CDC42BPA: variants seen among roughly 807,000 people sequenced by gnomAD.
CDC42BPA encodes the protein CDC42 binding protein kinase alpha, also known as serine/threonine-protein kinase MRCK alpha.
CDC42BPA carries 80 observed loss-of-function variants against 223.5 expected under a neutral mutation model. The ratio of observed to expected loss-of-function variants is 0.36; its 90% confidence interval spans 0.30 to 0.43. CDC42BPA has a LOEUF of 0.43. Among genes scored for constraint, CDC42BPA ranks in the 20% least tolerant of loss-of-function variants. CDC42BPA has a pLI of 1.00. For synonymous variants in CDC42BPA, 694 were observed against 718.6 expected, an observed-to-expected ratio of 0.97 and a Z score of 0.55; for missense variants, 1,743 against 2,099.9, an observed-to-expected ratio of 0.83 and a Z score of 3.32.
chr1:227,179,935 C>T lies in CDC42BPA; in HGVS notation c.599+13851G>A, dbSNP rs942236736. Among the ~76,000 whole-genome samples, 16 of 151,766 alleles carry T rather than the reference C, an allele frequency of 1.1e-4. 1 individual carries two copies. The highest frequency in any genetic ancestry group is 3.4e-3 in the Middle Eastern group (1 of 294). On this transcript the variant is annotated intron_variant, in intron 5 of 36. Coordinates refer to ENST00000366766, the MANE Select transcript of CDC42BPA (RefSeq NM_001394014.1). The stretch of plus-strand genomic sequence containing the variant: ...TTTAAAACTGCCTTTGGACAGGATG[C>T]GGAGGTTCACGCCTGTAATCCCAGT...
At chr1:227,001,537 A>T (rs561562434) in intron 35 of CDC42BPA, among the ~76,000 whole-genome samples, 1 of 152,332 alleles carries the variant, frequency 6.6e-6, no homozygotes, top group South Asian at 2.1e-4. Flanking sequence ...TTTATCTGCA[A>T]TTCCACAAAT....
intron 1 of CDC42BPA, among the ~76,000 whole-genome samples, chr1:227,258,638 G>A (rs1027182288): frequency 4.0e-5 from 6 of 150,708 alleles, no homozygotes; most frequent in Non-Finnish European, 8.8e-5. Flanking sequence ...GAAATTCAAT[G>A]ATAGAACCAA....
chr1:227,035,892 ATGAT>A (rs1258882839), intron 24 of CDC42BPA, among the ~76,000 whole-genome samples: 1 of 152,192 alleles, frequency 6.6e-6, no homozygotes, highest in African/African-American at 2.4e-5. Context: ...TGTGAATAAA[ATGAT>A]TGATTTAGAT....
intron 2 of CDC42BPA, among the ~76,000 whole-genome samples, chr1:227,247,267 C>G: frequency 6.8e-6 from 1 of 147,966 alleles, no homozygotes; most frequent in South Asian, 2.2e-4. Flanking sequence ...GGAGGCCAAG[C>G]AGGCAGATCA....
intron 25 of CDC42BPA, 29 bp from the exon 26 acceptor site, chr1:227,034,823 C>A: frequency 5.1e-6 from 2 of 395,094 alleles, no homozygotes; most frequent in Admixed American, 4.1e-5. Flanking sequence ...AGACAAACAG[C>A]CAAAACAACT....
intron 16 of CDC42BPA, among the ~76,000 whole-genome samples, chr1:227,090,711 T>C (rs1395781603): frequency 6.6e-6 from 1 of 152,162 alleles, no homozygotes; most frequent in Non-Finnish European, 1.5e-5. Flanking sequence ...CTCAGGAGGC[T>C]GAGGCAGGAG....
At chr1:227,293,308 T>C (rs1360456675) in intron 1 of CDC42BPA, among the ~76,000 whole-genome samples, 1 of 152,176 alleles carries the variant, frequency 6.6e-6, no homozygotes, top group African/African-American at 2.4e-5. Flanking sequence ...CTATGGCATA[T>C]TCTTAATCAC....
At chr1:227,071,326 A>G (rs11808884) in intron 20 of CDC42BPA, among the ~76,000 whole-genome samples, 42,996 of 151,742 alleles carry the variant, frequency 0.28, 6,304 homozygotes, top group African/African-American at 0.35. Flanking sequence ...TAACGAGTTC[A>G]GTATTCAGTG....
chr1:227,161,005 A>C (rs1020083091), intron 5 of CDC42BPA, among the ~76,000 whole-genome samples: 2 of 152,244 alleles, frequency 1.3e-5, no homozygotes, highest in Non-Finnish European at 2.9e-5. Context: ...CTAGCCCATG[A>C]AACTGGACAG....
chr1:227,251,978 G>A (rs926470344), intron 2 of CDC42BPA, among the ~76,000 whole-genome samples: 3 of 151,792 alleles, frequency 2.0e-5, no homozygotes, highest in Admixed American at 6.6e-5. Flanking sequence ...AAATCACACT[G>A]TATTTTAAGC....
Position 227,112,767 on chromosome 1 carries a change from G to C in CDC42BPA, c.1794C>G (p.Arg598=). The change falls in exon 13 of 37, where the codon CGC becomes CGG. Residue 598 remains arginine (R), a synonymous_variant. Transcript: ENST00000366766. ...ELHTQKQKLA[R]HVRDKEEEVD... is the part of the protein sequence containing the mutation. ...CCTCTTCTTCCTTATCTCGGACATG[G>C]CGAGCAAGTTTCTGTTTTTGGGTGT... 1 of 1,613,950 alleles carries C rather than the reference G, an allele frequency of 6.2e-7. No homozygotes were observed. The highest frequency in any genetic ancestry group is 8.5e-7 in the Non-Finnish European group (1 of 1,179,982).
At chr1:227,228,541 C>A (rs1485747054) in intron 2 of CDC42BPA, among the ~76,000 whole-genome samples, 1 of 152,304 alleles carries the variant, frequency 6.6e-6, no homozygotes, top group Admixed American at 6.5e-5. Flanking sequence ...TGCGTTTGTA[C>A]ACATGTCGGA....
intron 6 of CDC42BPA, among the ~76,000 whole-genome samples, chr1:227,158,176 T>C (rs1407028411): frequency 2.0e-5 from 3 of 152,052 alleles, no homozygotes; most frequent in African/African-American, 7.2e-5. Context: ...GGCCAGGCAG[T>C]CTCAAACTCC....
Position 227,146,071 on chromosome 1 carries a change from A to G in CDC42BPA, c.895-334T>C, listed in dbSNP as rs145725370. Among the ~76,000 whole-genome samples, 675 of 152,284 alleles carry G rather than the reference A, an allele frequency of 4.4e-3. 3 individuals carry two copies. Among genetic ancestry groups the G allele is most frequent in the African/African-American group, 0.015 (628 of 41,582 alleles). On this transcript the variant is annotated intron_variant, in intron 7 of 36. Coordinates refer to ENST00000366766, the MANE Select transcript of CDC42BPA (RefSeq NM_001394014.1). ...TTTAAATCAAGATAGATGATTGATA[A>G]TGGTCATATAAGTTACATACTAATG...
intron 1 of CDC42BPA, among the ~76,000 whole-genome samples, chr1:227,279,878 G>A (rs1687727376): frequency 6.6e-6 from 1 of 152,084 alleles, no homozygotes; most frequent in African/African-American, 2.4e-5. Context: ...CCAACATGGT[G>A]AAACCCCATC....
rs16846792 is a variant in CDC42BPA, at chr1:227,003,776, T to C, written c.4975+1218A>G. Among the ~76,000 whole-genome samples, 386 of 152,178 alleles carry C rather than the reference T, an allele frequency of 2.5e-3. 9 individuals carry two copies. The East Asian group carries it at 0.047, about 19-fold the overall frequency. On this transcript the variant is annotated intron_variant, in intron 35 of 36. Coordinates refer to ENST00000366766, the MANE Select transcript of CDC42BPA (RefSeq NM_001394014.1). ...ATGGTCCCTTAGCTCAAGGTTCTAG[T>C]TTTAAAGTGTAAAAAAAGAGATGCT...
intron 6 of CDC42BPA, among the ~76,000 whole-genome samples, chr1:227,151,589 T>C (rs1025073500): frequency 3.3e-5 from 5 of 152,162 alleles, no homozygotes; most frequent in African/African-American, 1.2e-4. Context: ...CCACCAACAG[T>C]GCCCAAGGAT....
At chr1:227,194,946 T>C (rs911588082) in intron 4 of CDC42BPA, among the ~76,000 whole-genome samples, 2 of 142,582 alleles carry the variant, frequency 1.4e-5, no homozygotes, top group Admixed American at 1.4e-4. Context: ...TGCCTTGAAA[T>C]TAAGGTTTTA....
In CDC42BPA at chr1:227,276,285, C is replaced by T. The variant is rs563788077; in HGVS notation, c.179-22130G>A. 7.3e-5 allele frequency among the ~76,000 whole-genome samples: 11 copies of T among 150,096 alleles called. No homozygotes were observed. The East Asian group carries it at 2.0e-3, about 27-fold the overall frequency. On this transcript the variant is annotated intron_variant, in intron 1 of 36. Coordinates refer to ENST00000366766, the MANE Select transcript of CDC42BPA (RefSeq NM_001394014.1). ...TCTGGGATCTGAGGAGCGTCTCTGC[C>T]CGACTGCCAACCCGTCTGGGAGGTG... is the stretch of plus-strand genomic sequence containing the variant.
Sources: allele counts gnomAD v4.1 joint callset (sites outside exome capture counted in the v4.1 genomes callset), GRCh38; gene constraint gnomAD v4.1.1; transcripts MANE v1.5; gene names NCBI Gene and HGNC (gene_info 2026-07-23, HGNC 2026-07-21).